MTMR2: variants seen among roughly 807,000 people sequenced by gnomAD.
MTMR2 encodes the protein phosphatidylinositol-3,5-bisphosphate 3-phosphatase MTMR2.
In MTMR2, 55 loss-of-function variants were observed where a neutral mutation model predicts 86.9. The ratio of observed to expected loss-of-function variants is 0.63; its 90% CI spans 0.51 to 0.79. The LOEUF (loss-of-function observed/expected upper bound fraction) is 0.79. Ranked by LOEUF, MTMR2 falls within the 30% of genes least tolerant of loss-of-function variation. The pLI is 0.00. For missense variants in MTMR2, 659 were observed against 772.3 expected, an observed-to-expected ratio of 0.85 and a Z score of 1.74; for synonymous variants, 241 against 266.8, an observed-to-expected ratio of 0.90 and a Z score of 0.94.
chr11:95,891,861 A>T (rs1865727391), intron 1 of MTMR2, among the ~76,000 whole-genome samples: 1 of 152,088 alleles, frequency 6.6e-6, no homozygotes, highest in Non-Finnish European at 1.5e-5. Flanking sequence ...GGAGGGAGAG[A>T]GAGTGCACAG....
chr11:95,844,821 C>G, intron 11 of MTMR2, 132 bp downstream of exon 11: 1 of 843,772 alleles, frequency 1.2e-6, no homozygotes, highest in Non-Finnish European at 1.9e-6. Flanking sequence ...CTTTCCAAAA[C>G]AAGCAAAAAC....
In MTMR2 at chr11:95,834,643, T is replaced by G. The variant is rs1863173567; in HGVS notation, c.*647A>C. ...CTTCATTTTCCCCCAAGCACATCTA[T>G]AAGGCCTCCCATTTTGGATCAACTT... On this transcript the variant is annotated 3_prime_UTR_variant, in exon 15 of 15. Coordinates refer to ENST00000346299, the MANE Select transcript of MTMR2 (RefSeq NM_016156.6). The G allele has an allele frequency of 6.5e-6, 1 of 152,950 alleles. No homozygotes were observed. The highest frequency in any genetic ancestry group is 2.4e-5 in the African/African-American group (1 of 41,430). 9.5% of individuals were successfully genotyped at this position (152,950 alleles called of 1,614,324 possible).
intron 14 of MTMR2, among the ~76,000 whole-genome samples, chr11:95,835,798 T>A (rs746805079): frequency 2.6e-4 from 40 of 152,090 alleles, no homozygotes; most frequent in Non-Finnish European, 5.1e-4. Flanking sequence ...GTAGTTAATA[T>A]TCCATAAACA....
intron 1 of MTMR2, among the ~76,000 whole-genome samples, chr11:95,915,792 C>T (rs1027869758): frequency 6.6e-6 from 1 of 152,146 alleles, no homozygotes; most frequent in African/African-American, 2.4e-5. Context: ...AGGCCATCAA[C>T]TTCATTACCA....
At chr11:95,890,919 T>A (rs974910274) in intron 1 of MTMR2, among the ~76,000 whole-genome samples, 1 of 152,048 alleles carries the variant, frequency 6.6e-6, no homozygotes, top group Admixed American at 6.6e-5. Context: ...TAAATGAACT[T>A]AAATTTTTTA....
chr11:95,870,762 T>C (rs1864842464), intron 2 of MTMR2, among the ~76,000 whole-genome samples: 1 of 148,836 alleles, frequency 6.7e-6, no homozygotes, highest in African/African-American at 2.6e-5. Context: ...ATACTTTAAG[T>C]TTCAGGGTAC....
At position 95,877,331 on chromosome 11, in the gene MTMR2, C is replaced by CTTTTTTTTTTT. The variant is rs1565368414; in HGVS notation, c.186+10824_186+10825insAAAAAAAAAAA. Reference sequence around the variant, plus strand: ...CATTCAAGATCAAGCACAGGGAAGCCCTTTTTTTTTTTTTTTTTTTTTTTT... The same window carrying CTTTTTTTTTTT: ...CATTCAAGATCAAGCACAGGGAAGCCTTTTTTTTTTTCTTTTTTTTTTTTTTTTTTTTTTTT... On this transcript the variant is annotated intron_variant, in intron 2 of 14. Coordinates refer to ENST00000346299, the MANE Select transcript of MTMR2 (RefSeq NM_016156.6). Among the ~76,000 whole-genome samples, 63 of 94,712 alleles carry CTTTTTTTTTTT rather than the reference C, an allele frequency of 6.7e-4. 15 individuals carry two copies. The highest frequency in any genetic ancestry group is 2.5e-3 in the South Asian group (8 of 3,220). 62.1% of individuals were successfully genotyped at this position (94,712 alleles called of 152,430 possible).
chr11:95,919,117 C>T (rs1427309631), intron 1 of MTMR2, among the ~76,000 whole-genome samples: 3 of 152,140 alleles, frequency 2.0e-5, no homozygotes, highest in African/African-American at 7.2e-5. Context: ...GGATTACAGG[C>T]GTTAGCTACT....
At chr11:95,871,329 G>A (rs1384464122) in intron 2 of MTMR2, among the ~76,000 whole-genome samples, 1 of 152,196 alleles carries the variant, frequency 6.6e-6, no homozygotes, top group Non-Finnish European at 1.5e-5. Context: ...TTCCACAATG[G>A]TTGAACTAGT....
At chr11:95,840,166 T>C (rs1863482544) in intron 12 of MTMR2, 1 of 152,126 alleles carries the variant, frequency 6.6e-6, no homozygotes, top group African/African-American at 2.4e-5. Context: ...AAATGTGCTT[T>C]TTTTCTAGCA....
chr11:95,912,724 AAAT>A (rs1256577333), intron 1 of MTMR2, among the ~76,000 whole-genome samples: 4 of 151,924 alleles, frequency 2.6e-5, no homozygotes, highest in Non-Finnish European at 5.9e-5. Flanking sequence ...ATCAACTATA[AAAT>A]ATAGTATTAT....
At chr11:95,896,336 G>T (rs1255054593) in intron 1 of MTMR2, among the ~76,000 whole-genome samples, 1 of 149,104 alleles carries the variant, frequency 6.7e-6, no homozygotes. Context: ...TTTTTTTTGA[G>T]GCAGGGTCTT....
chr11:95,916,942 A>G (rs878855819), intron 1 of MTMR2, among the ~76,000 whole-genome samples: 1 of 152,030 alleles, frequency 6.6e-6, no homozygotes, highest in Admixed American at 6.6e-5. Context: ...ATATAGAAAC[A>G]TATTAGGAGG....
At chr11:95,860,337 C>A (rs534984710) in intron 5 of MTMR2, among the ~76,000 whole-genome samples, 1 of 152,048 alleles carries the variant, frequency 6.6e-6, no homozygotes, top group African/African-American at 2.4e-5. Flanking sequence ...CCCATCTCTA[C>A]CAAAAATACA....
chr11:95,841,319 G>C (rs941151347), intron 12 of MTMR2, among the ~76,000 whole-genome samples: 1 of 151,650 alleles, frequency 6.6e-6, no homozygotes, highest in Non-Finnish European at 1.5e-5. Context: ...TCCACTCTTA[G>C]CAATATATAA....
At chr11:95,870,725 TTTTTTC>T (rs1289762598) in intron 2 of MTMR2, among the ~76,000 whole-genome samples, 2 of 135,536 alleles carry the variant, frequency 1.5e-5, no homozygotes, top group South Asian at 2.2e-4. Flanking sequence ...TTAAGGTTCT[TTTTTTC>T]TTTTTCTTTT....
intron 1 of MTMR2, 82 bp from the exon 2 acceptor site, chr11:95,888,343 A>C: frequency 2.2e-6 from 2 of 911,378 alleles, no homozygotes; most frequent in Non-Finnish European, 1.7e-6. Flanking sequence ...ATATAACTCC[A>C]ATATTTATTA....
chr11:95,885,711 G>A (rs1210228905), intron 2 of MTMR2, among the ~76,000 whole-genome samples: 1 of 151,996 alleles, frequency 6.6e-6, no homozygotes, highest in East Asian at 1.9e-4. Flanking sequence ...CAAGGAGGTA[G>A]AGTATAACCC....
chr11:95,849,044 T>G (rs563937996), intron 9 of MTMR2, among the ~76,000 whole-genome samples: 2 of 152,272 alleles, frequency 1.3e-5, no homozygotes, highest in East Asian at 3.9e-4. Context: ...AGCACTGAAA[T>G]GTACACTTGA....
Sources: gnomAD v4.1 joint callset for allele counts (sites outside exome capture counted in the v4.1 genomes callset) on GRCh38, gnomAD v4.1.1 for gene constraint, MANE v1.5 for transcripts, NCBI Gene and HGNC (gene_info 2026-07-23, HGNC 2026-07-21) for gene names.